Variants in CCNE1 observed in about 807,000 individuals in gnomAD.
CCNE1 encodes the protein cyclin E1, also known as G1/S-specific cyclin-E1.
Under a neutral mutation model 54.1 loss-of-function variants are expected in CCNE1, and 8 were observed. That is an observed-to-expected ratio of 0.15 (90% confidence interval 0.09 to 0.27). The LOEUF (loss-of-function observed/expected upper bound fraction) is 0.27, where lower values mean the gene tolerates loss of function less well. Among genes scored for constraint, CCNE1 ranks in the 10% least tolerant of loss-of-function variants. The probability of loss-of-function intolerance (pLI) is 1.00; values close to 1 mark genes in which losing one functional copy is unlikely to be tolerated. For missense variants in CCNE1, 430 were observed against 514.9 expected (o/e 0.84, Z 1.60); for synonymous variants, 179 against 185.2 (o/e 0.97, Z 0.27).
At chr19:29,814,504 C>T (rs577753619) in intron 4 of CCNE1, among the ~76,000 whole-genome samples, 3 of 152,286 alleles carry the variant, frequency 2.0e-5, no homozygotes, top group East Asian at 1.9e-4. Context: ...AAGGCATTTT[C>T]GTGGTTATCC....
At position 29,812,562 on chromosome 19, in the gene CCNE1, A is replaced by T; in HGVS notation, c.7A>T (p.Arg3Trp). 2 of 1,508,110 alleles carry T rather than the reference A, an allele frequency of 1.3e-6. No homozygotes were observed. The highest frequency in any genetic ancestry group is 1.8e-6 in the Non-Finnish European group (2 of 1,133,186). The allele number at this position is 1,508,110 out of a possible 1,614,324, so 93.4% of individuals were successfully genotyped here. A position where few individuals can be genotyped will look rare whatever the true frequency, so the allele number is the denominator to read the frequency against. The change falls in exon 2 of 12, where the codon AGG becomes TGG. Residue 3 changes from arginine to tryptophan, a missense_variant. Arg to Trp is a moderately radical substitution (Grantham distance 101, BLOSUM62 -3). Transcript: ENST00000262643. MP[R>W]ERRERDAKER... The stretch of plus-strand genomic sequence containing the variant: ...AGGCCGGAGCAGCCCCATCATGCCG[A>T]GGGAGCGCAGGGAGCGGTGAGTGCC...
At position 29,822,626 on chromosome 19, in the gene CCNE1, G is replaced by A. The variant is rs1450661455; in HGVS notation, c.1110+23G>A. 2.5e-6 allele frequency: 4 copies of A among 1,589,222 alleles called. No individual in the cohort carries two copies. The African/African-American group carries it at 5.4e-5, about 21-fold the overall frequency. Reference sequence around the variant, plus strand: ...CTGGTCAGTGCTGCTCCTTCTTTCAGTCCTTCTTGGCCAAATTCTTAAAAC... The same window carrying A: ...CTGGTCAGTGCTGCTCCTTCTTTCAATCCTTCTTGGCCAAATTCTTAAAAC... On this transcript the variant is annotated intron_variant, in intron 11 of 11. Coordinates refer to ENST00000262643, the MANE Select transcript of CCNE1 (RefSeq NM_001238.4).
rs767493066 is a variant in CCNE1, at chr19:29,822,429, C to T, written c.953-17C>T. On this transcript the variant is annotated splice_polypyrimidine_tract_variant and intron_variant, in intron 10 of 11. Coordinates refer to ENST00000262643, the MANE Select transcript of CCNE1 (RefSeq NM_001238.4). The stretch of plus-strand genomic sequence containing the variant: ...AGTTGTCAGCCTCAGATTAAGCCCA[C>T]GATGTCTTCACTGCAGGGTATCAGT... The T allele has an allele frequency of 1.5e-5, 25 of 1,613,688 alleles. No individual in the cohort carries two copies. Among genetic ancestry groups the T allele is most frequent in the East Asian group, 2.2e-5 (1 of 44,892 alleles).
intron 10 of CCNE1, 39 bp from the exon 11 acceptor site, chr19:29,822,407 T>C: frequency 6.2e-7 from 1 of 1,614,038 alleles, no homozygotes; most frequent in Non-Finnish European, 8.5e-7. Context: ...TACATCCAGT[T>C]GTCAGCCTCA....
intron 4 of CCNE1, among the ~76,000 whole-genome samples, chr19:29,815,492 G>A (rs1040526059): frequency 6.6e-6 from 1 of 152,150 alleles, no homozygotes; most frequent in Non-Finnish European, 1.5e-5. Flanking sequence ...TCCTCTGAAG[G>A]CGGCCAATGT....
At chr19:29,822,827 C>G (rs898454994) in intron 11 of CCNE1, among the ~76,000 whole-genome samples, 1 of 151,908 alleles carries the variant, frequency 6.6e-6, no homozygotes, top group African/African-American at 2.4e-5. Flanking sequence ...ACCTGTAGTC[C>G]CAGCTACTCG....
At chr19:29,812,509 C>T (rs1973914041) in intron 1 of CCNE1, 23 bp from the exon 2 acceptor site, 1 of 1,280,320 alleles carries the variant, frequency 7.8e-7, no homozygotes, top group Non-Finnish European at 9.8e-7. Context: ...CCCGCCGCCG[C>T]CTCACCCCGC....
At chr19:29,817,057 G>A (rs1974032975) in intron 4 of CCNE1, 80 bp from the exon 5 acceptor site, 1 of 1,406,576 alleles carries the variant, frequency 7.1e-7, no homozygotes, top group African/African-American at 1.4e-5. Context: ...CTGAGTTGCA[G>A]GTGAATTTGT....
chr19:29,816,091 G>T (rs1313390397), intron 4 of CCNE1, among the ~76,000 whole-genome samples: 1 of 151,212 alleles, frequency 6.6e-6, no homozygotes, highest in Non-Finnish European at 1.5e-5. Flanking sequence ...AGGAGGCAGA[G>T]GTTGTAGTGA....
intron 6 of CCNE1, among the ~76,000 whole-genome samples, chr19:29,817,857 CTTT>C (rs34598025): frequency 2.1e-5 from 2 of 95,908 alleles, no homozygotes; most frequent in African/African-American, 4.2e-5. Flanking sequence ...CATTAAATTG[CTTT>C]TTTTTTTTTT....
chr19:29,820,029 T>C (rs1325116890), intron 6 of CCNE1, among the ~76,000 whole-genome samples: 1 of 152,258 alleles, frequency 6.6e-6, no homozygotes. Context: ...CATTTCCAAA[T>C]AGCCAGCATC....
intron 3 of CCNE1, 33 bp from the exon 4 acceptor site, chr19:29,812,936 T>G (rs758362698): frequency 2.5e-6 from 4 of 1,613,398 alleles, no homozygotes; most frequent in Admixed American, 1.7e-5. Flanking sequence ...TTTGGTGTGT[T>G]TCCTTGGGGT....
In CCNE1 at chr19:29,823,944, T is replaced by C; in HGVS notation, c.*167T>C. On this transcript the variant is annotated 3_prime_UTR_variant, in exon 12 of 12. Transcript: ENST00000262643. ...GGCATCAAACAGGGCAAAGTGTTTT[T>C]TATTGAATGCTTATAGGTTTTTTTT... is the stretch of plus-strand genomic sequence containing the variant. The C allele has an allele frequency of 2.8e-6, 2 of 712,960 alleles. No individual in the cohort carries two copies. Among genetic ancestry groups the C allele is most frequent in the Non-Finnish European group, 4.3e-6 (2 of 470,414 alleles). 44.2% of individuals were successfully genotyped at this position (712,960 alleles called of 1,614,324 possible).
chr19:29,814,426 G>C (rs1973963972), intron 4 of CCNE1, among the ~76,000 whole-genome samples: 1 of 152,212 alleles, frequency 6.6e-6, no homozygotes, highest in Admixed American at 6.5e-5. Flanking sequence ...GGGACGGATT[G>C]TGGCTCTGTC....
At chr19:29,812,609 A>G (rs753082637) in intron 2 of CCNE1, 31 bp downstream of exon 2, 10 of 1,538,218 alleles carry the variant, frequency 6.5e-6, no homozygotes, top group East Asian at 2.5e-5. Flanking sequence ...GCCGGACGGG[A>G]CGGGACGGGA....
chr19:29,814,638 G>A (rs1291308099), intron 4 of CCNE1, among the ~76,000 whole-genome samples: 3 of 152,056 alleles, frequency 2.0e-5, no homozygotes, highest in Non-Finnish European at 2.9e-5. Context: ...AGAACTTGGG[G>A]GTACAACAGA....
intron 4 of CCNE1, 54 bp downstream of exon 4, chr19:29,813,091 A>G (rs910310456): frequency 2.0e-6 from 3 of 1,474,172 alleles, no homozygotes; most frequent in Non-Finnish European, 9.5e-7. Flanking sequence ...CCTGGGTCAC[A>G]TGGGGTTTCA....
Position 29,821,811 on chromosome 19 carries a change from T to C in CCNE1, c.699T>C (p.Ile233=), listed in dbSNP as rs34609353. ...GDEILTMELM[I]MKALKWRLSP... ...AAATTCTCACCATGGAATTAATGAT[T>C]ATGAAGGTGGGTTCCAGTGAATTTT... Residue 233 remains isoleucine, a synonymous_variant, in exon 8 of 12, where the codon ATT becomes ATC. Transcript: ENST00000262643. 25 of 1,608,690 alleles carry C rather than the reference T, an allele frequency of 1.6e-5. No individual in the cohort carries two copies. Among genetic ancestry groups the C allele is most frequent in the Non-Finnish European group, 2.1e-5 (25 of 1,175,212 alleles).
In CCNE1 at chr19:29,812,740, G is replaced by C; in HGVS notation, c.75G>C (p.Ser25=). 6.3e-7 allele frequency: 1 copy of C among 1,595,066 alleles called. No individual in the cohort carries two copies. Among genetic ancestry groups the C allele is most frequent in the African/African-American group, 1.3e-5 (1 of 74,984 alleles). ...AGGAGGACGGCGGCGCGGAGTTCTC[G>C]GCTCGCTCCAGGAAGAGGAAGGCAA... The part of the protein sequence containing the change: ...TMKEDGGAEF[S]ARSRKRKANV... Residue 25 remains serine (S), a synonymous_variant, in exon 3 of 12, where the codon TCG becomes TCC. Coordinates refer to ENST00000262643, the MANE Select transcript of CCNE1 (RefSeq NM_001238.4).
Sources: allele counts gnomAD v4.1 joint callset (sites outside exome capture counted in the v4.1 genomes callset), GRCh38; gene constraint gnomAD v4.1.1; transcripts MANE v1.5; gene names NCBI Gene and HGNC (gene_info 2026-07-23, HGNC 2026-07-21).